Variants in LINC00632 observed in about 807,000 individuals in gnomAD.
The protein encoded by LINC00632 is long independently transcribed non-coding RNA 632.
At chrX:140,743,403 T>C (rs1049309125) in intron 3 of LINC00632, among the ~76,000 whole-genome samples, 14 of 110,196 alleles carry the variant, frequency 1.3e-4, no homozygotes, top group Non-Finnish European at 2.1e-4. Context: ...TTAAGGATGA[T>C]AGCCGCAAGC....
At chrX:140,743,448 T>G (rs2148389993) in intron 3 of LINC00632, among the ~76,000 whole-genome samples, 1 of 109,575 alleles carries the variant, frequency 9.1e-6, no homozygotes, top group East Asian at 2.9e-4. Flanking sequence ...TTTTTTTATG[T>G]TTATTCTGCT....
At chrX:140,789,790 T>C (rs1442123624) in exon 5 of LINC00632, among the ~76,000 whole-genome samples, 1 of 111,747 alleles carries the variant, frequency 8.9e-6, no homozygotes, top group Non-Finnish European at 1.9e-5. Context: ...ATTCTTTTGT[T>C]GTGTCATTTG....
intron 3 of LINC00632, among the ~76,000 whole-genome samples, chrX:140,736,090 T>C (rs1000534541): frequency 9.0e-6 from 1 of 111,705 alleles, no homozygotes; most frequent in Admixed American, 9.6e-5. Context: ...AAATCAATTA[T>C]GGAGCACCTT....
chrX:140,770,731 T>G (rs756385267), intron 3 of LINC00632, among the ~76,000 whole-genome samples: 11 of 111,768 alleles, frequency 9.8e-5, no homozygotes, highest in Non-Finnish European at 1.5e-4. Flanking sequence ...TCCGATTCCC[T>G]CAGTTCTTCC....
exon 5 of LINC00632, chrX:140,784,525 C>T (rs1931988650): frequency 1.7e-6 from 1 of 605,261 alleles, no homozygotes; most frequent in East Asian, 3.3e-5. Flanking sequence ...TCCAGCATCT[C>T]TGTGTCTTCC....
At chrX:140,748,876 TA>T (rs1931368792) in intron 3 of LINC00632, among the ~76,000 whole-genome samples, 3 of 21,378 alleles carry the variant, frequency 1.4e-4, no homozygotes, top group Admixed American at 6.4e-4. Flanking sequence ...AAAATGTATA[TA>T]AAAATATATA....
At chrX:140,759,117 A>C (rs1418310885) in intron 3 of LINC00632, among the ~76,000 whole-genome samples, 1 of 103,738 alleles carries the variant, frequency 9.6e-6, no homozygotes, top group Admixed American at 1.0e-4. Flanking sequence ...GGCATGTGCC[A>C]CCATGCCCAG....
At chrX:140,734,656 T>G (rs913055533) in intron 3 of LINC00632, among the ~76,000 whole-genome samples, 1 of 110,878 alleles carries the variant, frequency 9.0e-6, no homozygotes, top group African/African-American at 3.3e-5. Flanking sequence ...GATTAAAATT[T>G]TTATCATAAA....
chrX:140,721,849 C>T (rs1225225799), intron 2 of LINC00632, among the ~76,000 whole-genome samples: 1 of 111,220 alleles, frequency 9.0e-6, no homozygotes, highest in African/African-American at 3.3e-5. Context: ...ACACTCGCCT[C>T]ATAGCACTCA....
chrX:140,788,317 TATTAAC>T (rs999302028), exon 5 of LINC00632, among the ~76,000 whole-genome samples: 2 of 110,427 alleles, frequency 1.8e-5, no homozygotes, highest in Non-Finnish European at 3.8e-5. Context: ...TTATGATTAT[TATTAAC>T]ATTAAATAAA....
At chrX:140,783,471 G>T in exon 5 of LINC00632, 1 of 778,005 alleles carries the variant, frequency 1.3e-6, no homozygotes, top group Non-Finnish European at 1.8e-6. Context: ...ATAATTTCAA[G>T]GTCTTCCATC....
At chrX:140,778,555 A>G (rs1931899652) in exon 5 of LINC00632, among the ~76,000 whole-genome samples, 1 of 108,847 alleles carries the variant, frequency 9.2e-6, no homozygotes, top group East Asian at 2.9e-4. Flanking sequence ...CAGTGAGCCA[A>G]GATCGCACCA....
chrX:140,725,282 T>TAC (rs747008542), intron 2 of LINC00632, among the ~76,000 whole-genome samples: 464 of 31,717 alleles, frequency 0.015, 4 homozygotes, highest in African/African-American at 0.048. Flanking sequence ...ACACATTCCA[T>TAC]ACACACACAC....
At chrX:140,749,976 T>TGA (rs1305942136) in intron 3 of LINC00632, among the ~76,000 whole-genome samples, 1 of 110,931 alleles carries the variant, frequency 9.0e-6, no homozygotes, top group Non-Finnish European at 1.9e-5. Context: ...ATTACAGGTG[T>TGA]GAGACACCAC....
intron 3 of LINC00632, chrX:140,764,741 T>C (rs1029832887): frequency 9.0e-6 from 1 of 111,719 alleles, no homozygotes; most frequent in African/African-American, 3.2e-5. Flanking sequence ...CCAAGCTTGT[T>C]TCCCTGGCGG....
chrX:140,749,558 G>C (rs1329862388), intron 3 of LINC00632, among the ~76,000 whole-genome samples: 2 of 111,517 alleles, frequency 1.8e-5, no homozygotes, highest in Admixed American at 9.6e-5. Flanking sequence ...AGAAGACTTA[G>C]AGTCTCTACA....
exon 4 of LINC00632, chrX:140,772,161 T>A (rs1931809649): frequency 3.4e-6 from 1 of 293,930 alleles, no homozygotes; most frequent in Non-Finnish European, 5.9e-6. Context: ...GTCACCATCA[T>A]ACAAAATTTG....
At chrX:140,788,892 C>G (rs1247636578) in exon 5 of LINC00632, among the ~76,000 whole-genome samples, 1 of 45,496 alleles carries the variant, frequency 2.2e-5, no homozygotes, top group African/African-American at 8.0e-5. Flanking sequence ...CATATATACA[C>G]ATATATGTGT....
chrX:140,744,566 T>TGG (rs1273899747), intron 3 of LINC00632, among the ~76,000 whole-genome samples: 1 of 19,123 alleles, frequency 5.2e-5, no homozygotes, highest in African/African-American at 1.9e-4. Flanking sequence ...GAGCTTTTTT[T>TGG]TGGGGGGGGG....
Sources: allele counts gnomAD v4.1 joint callset (sites outside exome capture counted in the v4.1 genomes callset), GRCh38; gene constraint gnomAD v4.1.1; transcripts MANE v1.5; gene names NCBI Gene and HGNC (gene_info 2026-07-23, HGNC 2026-07-21).